The following ESRRG variants were observed in gnomAD, a reference collection of about 807,000 sequenced individuals.
ESRRG encodes the protein estrogen related receptor gamma, also known as estrogen-related receptor gamma.
In ESRRG, 13 loss-of-function variants were observed where a neutral mutation model predicts 44.0. The ratio of observed to expected loss-of-function variants is 0.30; its 90% confidence interval spans 0.19 to 0.47. ESRRG has a LOEUF of 0.47. ESRRG is among the 20% of genes least tolerant of loss of function. ESRRG has a pLI of 1.00. For synonymous variants in ESRRG, 215 were observed against 214.6 expected, an observed-to-expected ratio of 1.00 and a Z score of -0.02; for missense variants, 395 against 580.6, an observed-to-expected ratio of 0.68 and a Z score of 3.29.
Position 216,889,515 on chromosome 1 carries a change from T to C in ESRRG, c.-14+50067A>G, listed in dbSNP as rs1182226853. The stretch of plus-strand genomic sequence containing the variant: ...ATCCCCCCAGTGAAGGAAAATGAAA[T>C]TAATCTGTTTATAAAAGGAGTTTCT... On this transcript the variant is annotated intron_variant, in intron 2 of 7. Coordinates refer to the ESRRG transcript ENST00000359162. Among the ~76,000 whole-genome samples the C allele has an allele frequency of 2.0e-5, 3 of 152,078 alleles. No homozygotes were observed. The East Asian group carries it at 5.8e-4, about 29-fold the overall frequency.
At chr1:216,879,643 T>C (rs2096412062) in intron 2 of ESRRG, among the ~76,000 whole-genome samples, 2 of 152,206 alleles carry the variant, frequency 1.3e-5, no homozygotes, top group Non-Finnish European at 2.9e-5. Flanking sequence ...TTTGTGACAA[T>C]ATCACCAGAG....
At chr1:216,733,977 C>A (rs1455200339) in intron 2 of ESRRG, among the ~76,000 whole-genome samples, 1 of 124,346 alleles carries the variant, frequency 8.0e-6, no homozygotes, top group African/African-American at 3.1e-5. Flanking sequence ...AGCAACAGAG[C>A]AAGACTCTGT....
intron 5 of ESRRG, among the ~76,000 whole-genome samples, chr1:216,556,812 G>C (rs1046823534): frequency 4.6e-5 from 7 of 152,106 alleles, no homozygotes; most frequent in African/African-American, 1.7e-4. Flanking sequence ...GTTAAAAGCA[G>C]AATTTGTGCT....
chr1:217,035,384 CTGT>C (rs2082717215), intron 1 of ESRRG, among the ~76,000 whole-genome samples: 2 of 147,518 alleles, frequency 1.4e-5, no homozygotes, highest in African/African-American at 2.5e-5. Flanking sequence ...TAAAGAATAG[CTGT>C]TGTTGTTACT....
intron 1 of ESRRG, among the ~76,000 whole-genome samples, chr1:216,982,727 G>T (rs2074167373): frequency 6.6e-6 from 1 of 152,144 alleles, no homozygotes; most frequent in Non-Finnish European, 1.5e-5. Context: ...AAACTATAAA[G>T]GAGAACTCCA....
Position 216,857,791 on chromosome 1 carries a change from C to A in ESRRG, c.-14+81791G>T, listed in dbSNP as rs1008559553. Among the ~76,000 whole-genome samples the A allele has an allele frequency of 2.6e-5, 4 of 151,392 alleles. No individual in the cohort carries two copies. In the East Asian group the frequency reaches 7.7e-4, roughly 29 times the overall value. ...ATTCATTCACCAAAAATGACACGCC[C>A]ATTTACTGGAAAAATACCCTTTATT... On this transcript the variant is annotated intron_variant, in intron 2 of 7. Transcript: ENST00000359162.
In ESRRG at chr1:216,518,591, G is replaced by T. The variant is rs11572821; in HGVS notation, c.1132+561C>A. Among the ~76,000 whole-genome samples the T allele has an allele frequency of 4.3e-3, 658 of 152,244 alleles. 3 individuals are homozygous for T. The highest frequency in any genetic ancestry group is 0.015 in the African/African-American group (621 of 41,548). On this transcript the variant is annotated intron_variant, in intron 6 of 6. Transcript: ENST00000408911. ...CACCAACGATTTTTACTTATTAGAG[G>T]TTGCTATTTTAGCATGTTTCAGTTC...
intron 2 of ESRRG, among the ~76,000 whole-genome samples, chr1:216,905,740 A>C (rs184775490): frequency 2.6e-5 from 4 of 152,220 alleles, no homozygotes; most frequent in Admixed American, 1.3e-4. Flanking sequence ...AAATAAATTT[A>C]TTCTTCTTCT....
chr1:216,792,589 T>A (rs2094353605), intron 2 of ESRRG, among the ~76,000 whole-genome samples: 1 of 152,222 alleles, frequency 6.6e-6, no homozygotes, highest in Admixed American at 6.5e-5. Flanking sequence ...ATACAGGCTC[T>A]GGCATATTTC....
chr1:217,132,543 C>A (rs567031839), intron 1 of ESRRG, among the ~76,000 whole-genome samples: 1 of 152,076 alleles, frequency 6.6e-6, no homozygotes, highest in African/African-American at 2.4e-5. Context: ...AGTGGCACCA[C>A]GAAAAACACA....
chr1:217,095,132 G>A (rs1024566553), intron 1 of ESRRG, among the ~76,000 whole-genome samples: 1 of 152,162 alleles, frequency 6.6e-6, no homozygotes, highest in Non-Finnish European at 1.5e-5. Flanking sequence ...AAGAACCACT[G>A]ATGTAAGAAT....
intron 1 of ESRRG, among the ~76,000 whole-genome samples, chr1:216,710,935 G>T (rs1056800793): frequency 6.6e-6 from 1 of 152,216 alleles, no homozygotes; most frequent in Non-Finnish European, 1.5e-5. Context: ...ACCAGGCAGA[G>T]GCATTCGCTC....
At chr1:216,562,271 T>C in intron 5 of ESRRG, among the ~76,000 whole-genome samples, 1 of 152,192 alleles carries the variant, frequency 6.6e-6, no homozygotes, top group East Asian at 1.9e-4. Flanking sequence ...ATAACAATAT[T>C]ATCATCATTA....
chr1:216,932,997 C>T (rs1053496043), intron 2 of ESRRG, among the ~76,000 whole-genome samples: 1 of 151,900 alleles, frequency 6.6e-6, no homozygotes, highest in Non-Finnish European at 1.5e-5. Context: ...TAAAACATTT[C>T]CTGCTTTCAA....
chr1:217,029,677 A>C (rs1268854880), intron 1 of ESRRG, among the ~76,000 whole-genome samples: 1 of 152,206 alleles, frequency 6.6e-6, no homozygotes. Flanking sequence ...GTCTTGAGCC[A>C]GAATATTTAT....
At chr1:216,815,722 G>T (rs191965165) in intron 2 of ESRRG, among the ~76,000 whole-genome samples, 2 of 152,262 alleles carry the variant, frequency 1.3e-5, no homozygotes, top group East Asian at 3.9e-4. Flanking sequence ...GATTTCCGCC[G>T]CACTGAACAC....
chr1:216,676,814 T>C lies in ESRRG; in HGVS notation c.472+262A>G, dbSNP rs2076191503. 2.6e-5 allele frequency among the ~76,000 whole-genome samples: 4 copies of C among 152,344 alleles called. 1 individual carries two copies. The South Asian group carries it at 6.2e-4, about 24-fold the overall frequency. ...ACCCACATTGCTCTAATAATAACTATGCTCTTGTAAACTCTACCCAAAGTT... is the reference window on the plus strand; with the variant it reads ...ACCCACATTGCTCTAATAATAACTACGCTCTTGTAAACTCTACCCAAAGTT... On this transcript the variant is annotated intron_variant, in intron 2 of 6. Coordinates refer to ENST00000408911, the MANE Select transcript of ESRRG (RefSeq NM_001438.4).
At chr1:216,589,172 C>T (rs1392251578) in intron 3 of ESRRG, among the ~76,000 whole-genome samples, 1 of 152,086 alleles carries the variant, frequency 6.6e-6, no homozygotes, top group East Asian at 1.9e-4. Context: ...GGTAAGAATG[C>T]AGGACTACTG....
intron 5 of ESRRG, among the ~76,000 whole-genome samples, chr1:216,532,894 G>A (rs141369378): frequency 9.9e-5 from 15 of 152,164 alleles, no homozygotes; most frequent in African/African-American, 3.6e-4. Context: ...CGAGGTTGGG[G>A]GTTTTCTTTT....
Sources: gnomAD v4.1 joint callset for allele counts (sites outside exome capture counted in the v4.1 genomes callset) on GRCh38, gnomAD v4.1.1 for gene constraint, MANE v1.5 for transcripts, NCBI Gene and HGNC (gene_info 2026-07-23, HGNC 2026-07-21) for gene names.